Variants in ABCC9 observed in about 807,000 individuals in gnomAD.
ABCC9 encodes ATP binding cassette subfamily C member 9.
In ABCC9, 95 loss-of-function variants were observed where a neutral mutation model predicts 188.3. The observed-to-expected ratio is 0.50, with a 90% CI of 0.43 to 0.60. The LOEUF is 0.60. Ranked by LOEUF, ABCC9 falls within the 20% of genes least tolerant of loss-of-function variation. The pLI is 0.00. For synonymous variants in ABCC9, 659 were observed against 652.7 expected, an observed-to-expected ratio of 1.01 and a Z score of -0.15; for missense variants, 1,102 against 1,876.3, an observed-to-expected ratio of 0.59 and a Z score of 7.62.
At position 21,896,256 on chromosome 12, in the gene ABCC9, A is replaced by T. The variant is rs1393802032; in HGVS notation, c.1619-941T>A. 5.3e-5 allele frequency among the ~76,000 whole-genome samples: 8 copies of T among 152,076 alleles called. No homozygotes were observed. In the East Asian group the frequency reaches 9.7e-4, roughly 18 times the overall value. ...TTTTAAAAATCATCTGCTCTCAGGG[A>T]TTATCCTTACCACCGTACATAGAAC... is the stretch of plus-strand genomic sequence containing the variant. On this transcript the variant is annotated intron_variant, in intron 12 of 39. Coordinates refer to ENST00000261200, the MANE Select transcript of ABCC9 (RefSeq NM_020297.4).
At chr12:21,929,384 AG>A (rs1565495023) in intron 4 of ABCC9, among the ~76,000 whole-genome samples, 2 of 152,074 alleles carry the variant, frequency 1.3e-5, no homozygotes, top group Non-Finnish European at 2.9e-5. Flanking sequence ...CCGGAATCAC[AG>A]GTAGAAATAA....
chr12:21,814,800 T>C (rs1942493549), intron 34 of ABCC9, 78 bp from the exon 35 acceptor site: 4 of 1,123,424 alleles, frequency 3.6e-6, no homozygotes, highest in Non-Finnish European at 5.4e-6. Context: ...GTTTTTTAAC[T>C]TAAGATATTA....
At chr12:21,928,531 C>G (rs1192649271) in intron 4 of ABCC9, among the ~76,000 whole-genome samples, 1 of 152,056 alleles carries the variant, frequency 6.6e-6, no homozygotes, top group South Asian at 2.1e-4. Flanking sequence ...AAAGTGAGCA[C>G]ACTCCCTATC....
chr12:21,813,346 T>C (rs757610870), intron 35 of ABCC9, among the ~76,000 whole-genome samples: 17 of 152,204 alleles, frequency 1.1e-4, no homozygotes, highest in Non-Finnish European at 2.2e-4. Context: ...CCCTGTGAGA[T>C]AAGATGTCAG....
intron 31 of ABCC9, among the ~76,000 whole-genome samples, chr12:21,826,865 C>T (rs1943409076): frequency 6.6e-6 from 1 of 152,128 alleles, no homozygotes; most frequent in Non-Finnish European, 1.5e-5. Flanking sequence ...AAATAAAATA[C>T]TCCTTAATAT....
At chr12:21,846,952 A>G (rs1389311051) in intron 25 of ABCC9, among the ~76,000 whole-genome samples, 1 of 150,768 alleles carries the variant, frequency 6.6e-6, no homozygotes, top group African/African-American at 2.4e-5. Flanking sequence ...GTCTCTTAAG[A>G]CTTGAGTTGA....
intron 24 of ABCC9, among the ~76,000 whole-genome samples, chr12:21,849,148 T>C (rs1944835814): frequency 6.6e-6 from 1 of 152,070 alleles, no homozygotes; most frequent in Admixed American, 6.6e-5. Flanking sequence ...GAATCTATGG[T>C]AAATTGGGAG....
rs552755180 is a variant in ABCC9 at position 21,879,774 on chromosome 12, G to GA, written c.2019+2991dup. Among the ~76,000 whole-genome samples the GA allele has an allele frequency of 2.7e-3, 412 of 151,752 alleles. 2 individuals are homozygous for GA. Among genetic ancestry groups the GA allele is most frequent in the African/African-American group, 9.1e-3 (377 of 41,342 alleles). On this transcript the variant is annotated intron_variant, in intron 16 of 39. Coordinates refer to ENST00000261200, the MANE Select transcript of ABCC9 (RefSeq NM_020297.4). ...GGAAATTCCAAGTCCAAAATATAAG[G>GA]AAAAAATACAAATTCAAAGGTGTGA...
In ABCC9 at chr12:21,905,915, G is replaced by A. The variant is rs531931116; in HGVS notation, c.1618+211C>T. Among the ~76,000 whole-genome samples, 11 of 152,196 alleles carry A rather than the reference G, an allele frequency of 7.2e-5. No individual in the cohort carries two copies. The South Asian group carries it at 8.3e-4, about 11-fold the overall frequency. On this transcript the variant is annotated intron_variant, in intron 12 of 39. Transcript: ENST00000261200. ...TGAGGAATCAAATTCAGGTCTACTT[G>A]ACTCTAAACCTGTGCTTACTTTGGT...
intron 12 of ABCC9, among the ~76,000 whole-genome samples, chr12:21,898,303 T>C (rs1947526328): frequency 6.6e-6 from 1 of 152,228 alleles, no homozygotes; most frequent in Admixed American, 6.5e-5. Flanking sequence ...GTTATTGTTA[T>C]TATTCTTGGC....
chr12:21,915,223 A>ATGTGTG (rs1177922394), intron 7 of ABCC9, among the ~76,000 whole-genome samples: 8 of 117,188 alleles, frequency 6.8e-5, no homozygotes, highest in African/African-American at 2.8e-4. Context: ...CTTTATATAT[A>ATGTGTG]TATGTGTGTG....
intron 35 of ABCC9, 147 bp from the exon 36 acceptor site, chr12:21,812,304 A>G (rs1307857525): frequency 6.0e-6 from 4 of 663,794 alleles, no homozygotes; most frequent in Non-Finnish European, 1.1e-5. Context: ...TTCCTCAAGT[A>G]TCTAGAACTA....
At chr12:21,818,091 T>A in intron 32 of ABCC9, 59 bp downstream of exon 32, 2 of 1,245,774 alleles carry the variant, frequency 1.6e-6, no homozygotes, top group Non-Finnish European at 2.4e-6. Flanking sequence ...TTCCCATTTA[T>A]GAGTGAGAAC....
chr12:21,819,919 T>A (rs1440243592), intron 31 of ABCC9, among the ~76,000 whole-genome samples: 2 of 152,206 alleles, frequency 1.3e-5, no homozygotes, highest in Admixed American at 1.3e-4. Flanking sequence ...TGTATCCTTT[T>A]GTTAACAACT....
intron 7 of ABCC9, 23 bp downstream of exon 7, chr12:21,915,645 A>G (rs1948572284): frequency 6.2e-7 from 1 of 1,609,976 alleles, no homozygotes; most frequent in Admixed American, 1.7e-5. Context: ...AATTAAGCAC[A>G]TGGAAGACAG....
At chr12:21,904,874 T>C (rs917389685) in intron 12 of ABCC9, among the ~76,000 whole-genome samples, 5 of 152,216 alleles carry the variant, frequency 3.3e-5, no homozygotes, top group Admixed American at 1.3e-4. Context: ...AGTGTGGTGA[T>C]TCCTCAAGGA....
chr12:21,857,489 G>A (rs1466364292), intron 22 of ABCC9, among the ~76,000 whole-genome samples: 1 of 152,058 alleles, frequency 6.6e-6, no homozygotes, highest in African/African-American at 2.4e-5. Flanking sequence ...AAGAATAATG[G>A]CCCCTAAGGA....
chr12:21,882,792 CG>C lies in ABCC9; in HGVS notation c.1992del (p.Ala665GlnfsTer8). On this transcript the variant is annotated frameshift_variant, in exon 16 of 40. Transcript: ENST00000261200. LOFTEE classifies it high-confidence loss of function. ...SYEQSTRRLRPAETEDIAIKV... is the reference protein window; with the variant it reads ...SYEQSTRRLRXAETEDIAIKV... ...TTTATTGCAATGTCCTCTGTTTCTG[CG>C]GGACGTAGACGCCGTGTTGATTGCT... is the stretch of plus-strand genomic sequence containing the variant. 1 of 1,613,318 alleles carries C rather than the reference CG, an allele frequency of 6.2e-7. No homozygotes were observed. The highest frequency in any genetic ancestry group is 2.2e-5 in the East Asian group (1 of 44,864).
At chr12:21,912,272 A>T (rs1430060541) in intron 8 of ABCC9, among the ~76,000 whole-genome samples, 1 of 152,068 alleles carries the variant, frequency 6.6e-6, no homozygotes, top group Non-Finnish European at 1.5e-5. Flanking sequence ...AGAAAGTAGG[A>T]AGTTCACAAT....
Sources: gnomAD v4.1 joint callset for allele counts (sites outside exome capture counted in the v4.1 genomes callset) on GRCh38, gnomAD v4.1.1 for gene constraint, MANE v1.5 for transcripts, NCBI Gene and HGNC (gene_info 2026-07-23, HGNC 2026-07-21) for gene names.